The following SGK1 variants were observed in gnomAD, a reference collection of about 807,000 sequenced individuals.
The protein encoded by SGK1 is serine/threonine-protein kinase Sgk1.
Under a neutral mutation model 64.2 loss-of-function variants are expected in SGK1, and 26 were observed. The ratio of observed to expected loss-of-function variants is 0.40; its 90% CI spans 0.30 to 0.56. The LOEUF (loss-of-function observed/expected upper bound fraction) is 0.56, where lower values mean the gene tolerates loss of function less well. Among genes scored for constraint, SGK1 ranks in the 20% least tolerant of loss-of-function variants. The pLI is 0.38. For synonymous variants in SGK1, 265 were observed against 239.7 expected, an observed-to-expected ratio of 1.11 and a Z score of -0.98; for missense variants, 519 against 645.6, an observed-to-expected ratio of 0.80 and a Z score of 2.12.
chr6:134,172,915 T>G (rs1775078242), intron 8 of SGK1, 108 bp downstream of exon 8: 2 of 1,344,612 alleles, frequency 1.5e-6, no homozygotes, highest in South Asian at 2.6e-5. Flanking sequence ...AAATGCTAAT[T>G]CTGGTAACAT....
chr6:134,274,270 C>G (rs1358194324), intron 1 of SGK1, among the ~76,000 whole-genome samples: 4 of 152,030 alleles, frequency 2.6e-5, no homozygotes, highest in Admixed American at 2.6e-4. Flanking sequence ...TCCCAAAGCC[C>G]TAGGATTATA....
intron 1 of SGK1, among the ~76,000 whole-genome samples, chr6:134,262,747 A>T (rs1313444441): frequency 6.6e-6 from 1 of 151,860 alleles, no homozygotes. Context: ...CCAAAAACAA[A>T]CAAAAACAAT....
chr6:134,219,489 G>T (rs751938319), intron 2 of SGK1, among the ~76,000 whole-genome samples: 1 of 152,076 alleles, frequency 6.6e-6, no homozygotes, highest in Non-Finnish European at 1.5e-5. Context: ...GGCCAGCCGC[G>T]GTATCTCACG....
chr6:134,317,478 TCA>T lies in SGK1; in HGVS notation c.-20_-19del. 1 of 1,572,668 alleles carries T rather than the reference TCA, an allele frequency of 6.4e-7. No individual in the cohort carries two copies. Among genetic ancestry groups the T allele is most frequent in the African/African-American group, 1.3e-5 (1 of 74,198 alleles). On this transcript the variant is annotated 5_prime_UTR_variant, in exon 1 of 14. Transcript: ENST00000367858. ...TTTACCATTTTCCACCGTGGGGAAT[TCA>T]CAGTTATAGATCCAGGTTGGCACCC...
chr6:134,234,412 A>G (rs1776333531), intron 2 of SGK1, among the ~76,000 whole-genome samples: 1 of 152,256 alleles, frequency 6.6e-6, no homozygotes, highest in Non-Finnish European at 1.5e-5. Context: ...CAAAAAAGAG[A>G]AAATAAAATA....
At position 134,273,285 on chromosome 6, in the gene SGK1, A is replaced by G. The variant is rs1036700598; in HGVS notation, c.70-11137T>C. ...AGGGTACTTGGTCCAGTCAGGAAAAATCAGGGAAGGCTTTCTGGTGGAAGT... is the reference window on the plus strand; with the variant it reads ...AGGGTACTTGGTCCAGTCAGGAAAAGTCAGGGAAGGCTTTCTGGTGGAAGT... On this transcript the variant is annotated intron_variant, in intron 1 of 13. Transcript: ENST00000367858. Among the ~76,000 whole-genome samples the G allele has an allele frequency of 3.4e-5, 5 of 147,296 alleles. 1 individual carries two copies. Among genetic ancestry groups the G allele is most frequent in the Admixed American group, 1.4e-4 (2 of 14,292 alleles).
intron 1 of SGK1, among the ~76,000 whole-genome samples, chr6:134,308,847 G>A (rs749364365): frequency 9.2e-5 from 14 of 152,142 alleles, no homozygotes; most frequent in Non-Finnish European, 1.6e-4. Flanking sequence ...GTTTGCTACC[G>A]TGCCCGGCAA....
rs567560881 is a variant in SGK1 at position 134,224,125 on chromosome 6, C to T, written c.286-16694G>A. On this transcript the variant is annotated intron_variant, in intron 2 of 13. Coordinates refer to ENST00000367858, the MANE Select transcript of SGK1 (RefSeq NM_001143676.3). ...AACAATACCTGACAAATATGAAATG[C>T]ATTTTTCTGCATAAGCAAAAACACC... is the stretch of plus-strand genomic sequence containing the variant. 3.3e-5 allele frequency among the ~76,000 whole-genome samples: 5 copies of T among 152,304 alleles called. No homozygotes were observed. In the East Asian group the frequency reaches 9.6e-4, roughly 29 times the overall value.
chr6:134,311,385 G>A (rs113793816), intron 1 of SGK1, among the ~76,000 whole-genome samples: 11,352 of 152,162 alleles, frequency 0.075, 499 homozygotes, highest in Middle Eastern at 0.11. Context: ...GCTCATGCTT[G>A]TAATCCCAGC....
At position 134,313,292 on chromosome 6, in the gene SGK1, C is replaced by T. The variant is rs184929315; in HGVS notation, c.69+4100G>A. Among the ~76,000 whole-genome samples, 448 of 152,156 alleles carry T rather than the reference C, an allele frequency of 2.9e-3. 1 individual carries two copies. The highest frequency in any genetic ancestry group is 4.8e-3 in the Non-Finnish European group (326 of 68,000). On this transcript the variant is annotated intron_variant, in intron 1 of 13. Coordinates refer to ENST00000367858, the MANE Select transcript of SGK1 (RefSeq NM_001143676.3). ...CAACACTTTGGGACGCTCCCTTGAG[C>T]CCAGAAACTCGAGACCAGCCAGGGC... is the stretch of plus-strand genomic sequence containing the variant.
chr6:134,297,646 G>A, intron 1 of SGK1: 1 of 438,658 alleles, frequency 2.3e-6, no homozygotes, highest in South Asian at 2.0e-5. Context: ...GCAATTACAG[G>A]CGTGCACCAC....
intron 2 of SGK1, among the ~76,000 whole-genome samples, chr6:134,216,392 G>A (rs1775984962): frequency 6.6e-6 from 1 of 152,214 alleles, no homozygotes. Context: ...GTGAAAGCTT[G>A]CTTCTCAAAT....
At chr6:134,206,373 ATATATATATAT>A (rs1474974002) in intron 3 of SGK1, among the ~76,000 whole-genome samples, 1 of 4,484 alleles carries the variant, frequency 2.2e-4, no homozygotes, top group African/African-American at 5.7e-4. Flanking sequence ...ATATATATAT[ATATATATATAT>A]TTTTTTTTTT....
intron 3 of SGK1, among the ~76,000 whole-genome samples, chr6:134,204,554 CTTTTT>C (rs34485870): frequency 7.8e-6 from 1 of 128,200 alleles, no homozygotes; most frequent in Non-Finnish European, 1.6e-5. Context: ...TTTCTTGTAA[CTTTTT>C]TTTTTTTTTT....
intron 2 of SGK1, among the ~76,000 whole-genome samples, chr6:134,223,612 T>A (rs975997113): frequency 6.6e-6 from 1 of 152,226 alleles, no homozygotes; most frequent in Non-Finnish European, 1.5e-5. Context: ...ATGTTCCTAC[T>A]CTTTCCTATA....
intron 1 of SGK1, among the ~76,000 whole-genome samples, chr6:134,309,796 A>G (rs867888263): frequency 2.0e-5 from 3 of 152,204 alleles, no homozygotes; most frequent in African/African-American, 7.2e-5. Flanking sequence ...GGCAGGAAAC[A>G]GCATCCCACT....
intron 3 of SGK1, among the ~76,000 whole-genome samples, chr6:134,201,535 T>C (rs549501121): frequency 2.0e-5 from 3 of 152,198 alleles, no homozygotes; most frequent in African/African-American, 7.2e-5. Context: ...CTAATTTTTG[T>C]ATTTTTAGTA....
In SGK1 at chr6:134,298,721, C is replaced by T. The variant is rs191896328; in HGVS notation, c.69+18671G>A. 2.7e-3 allele frequency: 1,767 copies of T among 647,878 alleles called. 36 individuals are homozygous for T. The African/African-American group carries it at 0.029, about 11-fold the overall frequency. The allele number at this position is 647,878 out of a possible 1,614,324, so 40.1% of individuals were successfully genotyped here. On this transcript the variant is annotated intron_variant, in intron 1 of 13. Transcript: ENST00000367858. ...TGGTGGAGGCAGGAGTGGAGGCAGG[C>T]GGGCTGAACCAGGCAGAGATTCCAG...
At chr6:134,170,521 G>T in intron 13 of SGK1, 86 bp from the exon 14 acceptor site, 1 of 1,293,118 alleles carries the variant, frequency 7.7e-7, no homozygotes, top group Non-Finnish European at 1.1e-6. Context: ...TAAATACCAA[G>T]TTTAAGTCTT....
Sources: gnomAD v4.1 joint callset for allele counts (sites outside exome capture counted in the v4.1 genomes callset) on GRCh38, gnomAD v4.1.1 for gene constraint, MANE v1.5 for transcripts, NCBI Gene and HGNC (gene_info 2026-07-23, HGNC 2026-07-21) for gene names.